LDAH: variants seen among roughly 807,000 people sequenced by gnomAD.
The protein encoded by LDAH is lipid droplet associated hydrolase.
LDAH carries 26 observed loss-of-function variants against 29.6 expected under a neutral mutation model. That is an observed-to-expected ratio of 0.88 (90% CI 0.64 to 1.22). LDAH has a LOEUF of 1.22. Among genes scored for constraint, LDAH ranks in the 50% most tolerant of loss-of-function variants. The pLI is 0.00. For missense variants in LDAH, 344 were observed against 387.3 expected, an observed-to-expected ratio of 0.89 and a Z score of 0.94; for synonymous variants, 117 against 133.0, an observed-to-expected ratio of 0.88 and a Z score of 0.83.
At chr2:20,730,935 G>C (rs1038932857) in intron 5 of LDAH, among the ~76,000 whole-genome samples, 5 of 152,004 alleles carry the variant, frequency 3.3e-5, no homozygotes, top group African/African-American at 1.2e-4. Flanking sequence ...ACAAAGTTTT[G>C]ATTACTGTAG....
intron 5 of LDAH, among the ~76,000 whole-genome samples, chr2:20,730,416 A>G (rs1666318713): frequency 6.6e-6 from 1 of 152,132 alleles, no homozygotes; most frequent in African/African-American, 2.4e-5. Flanking sequence ...GCACCATTTT[A>G]CATTATCAGC....
chr2:20,747,795 C>A (rs679397), intron 4 of LDAH, among the ~76,000 whole-genome samples: 1 of 152,192 alleles, frequency 6.6e-6, no homozygotes, highest in Non-Finnish European at 1.5e-5. Flanking sequence ...CTAGGTACTA[C>A]ACTTATGCAC....
chr2:20,770,644 C>G (rs1238051251), intron 4 of LDAH, among the ~76,000 whole-genome samples: 1 of 152,172 alleles, frequency 6.6e-6, no homozygotes, highest in Non-Finnish European at 1.5e-5. Flanking sequence ...CCTGAAATTG[C>G]TAGAGCATTC....
At chr2:20,780,580 G>A (rs181773152) in intron 3 of LDAH, among the ~76,000 whole-genome samples, 293 of 152,242 alleles carry the variant, frequency 1.9e-3, no homozygotes, top group Non-Finnish European at 1.4e-3. Context: ...TATAAATGAA[G>A]TAGGAAACTG....
intron 2 of LDAH, among the ~76,000 whole-genome samples, chr2:20,800,427 T>C (rs958940980): frequency 2.0e-5 from 3 of 152,026 alleles, no homozygotes; most frequent in Non-Finnish European, 4.4e-5. Context: ...AATTGAAAAA[T>C]GGGCAAGGGT....
At chr2:20,788,166 T>C (rs1250561609) in intron 3 of LDAH, among the ~76,000 whole-genome samples, 1 of 152,182 alleles carries the variant, frequency 6.6e-6, no homozygotes, top group Non-Finnish European at 1.5e-5. Context: ...AGGTAATCCA[T>C]TTTGAAAATA....
chr2:20,790,374 T>C lies in LDAH; in HGVS notation c.179A>G (p.Tyr60Cys), dbSNP rs528111112. ...GTATAAAGCCTTTGCAAATGGCACA[T>C]AAAAGGCAGAAAAACCTGGGTTACC... ...IPGNPGFSAF[Y>C]VPFAKALYSL... The change falls in exon 3 of 7, where the codon TAT becomes TGT. Residue 60 changes from tyrosine (Y) to cysteine (C), a missense_variant. Tyr to Cys is a radical substitution (Grantham distance 194, BLOSUM62 -2). Coordinates refer to ENST00000237822, the MANE Select transcript of LDAH (RefSeq NM_021925.4). 57 of 1,613,394 alleles carry C rather than the reference T, an allele frequency of 3.5e-5. No individual in the cohort carries two copies. The highest frequency in any genetic ancestry group is 3.3e-4 in the Middle Eastern group (2 of 6,056).
intron 4 of LDAH, among the ~76,000 whole-genome samples, chr2:20,759,001 T>C (rs956778701): frequency 6.6e-6 from 1 of 152,188 alleles, no homozygotes; most frequent in African/African-American, 2.4e-5. Flanking sequence ...AATATAATAT[T>C]ACTGAAGCTC....
chr2:20,786,970 A>G (rs753289948), intron 3 of LDAH, among the ~76,000 whole-genome samples: 4 of 152,206 alleles, frequency 2.6e-5, no homozygotes, highest in Non-Finnish European at 4.4e-5. Context: ...CATAGAGGAC[A>G]TTTCTCAAAT....
intron 1 of LDAH, among the ~76,000 whole-genome samples, chr2:20,819,276 A>AG (rs1673078253): frequency 6.6e-6 from 1 of 152,190 alleles, no homozygotes; most frequent in Non-Finnish European, 1.5e-5. Flanking sequence ...AATGCCAAGA[A>AG]TTTCACAAGT....
chr2:20,774,727 G>A, intron 4 of LDAH, 83 bp downstream of exon 4: 1 of 1,377,616 alleles, frequency 7.3e-7, no homozygotes, highest in South Asian at 1.3e-5. Flanking sequence ...CTGAACAAGA[G>A]ACAAAAGAAC....
intron 3 of LDAH, among the ~76,000 whole-genome samples, chr2:20,777,145 TTTACA>T (rs1300033550): frequency 2.0e-5 from 3 of 152,190 alleles, no homozygotes; most frequent in Non-Finnish European, 2.9e-5. Flanking sequence ...ACCAAGAACA[TTTACA>T]TGGTTAGAGC....
At chr2:20,705,781 T>C (rs1664260342) in intron 5 of LDAH, among the ~76,000 whole-genome samples, 1 of 152,196 alleles carries the variant, frequency 6.6e-6, no homozygotes, top group Admixed American at 6.5e-5. Context: ...AAGAACTTAG[T>C]GAAAAATAAT....
intron 3 of LDAH, chr2:20,789,206 C>T (rs1443584548): frequency 6.4e-7 from 1 of 1,550,498 alleles, no homozygotes. Context: ...ACCCTATGCC[C>T]AAATGCTATT....
At chr2:20,754,086 G>A (rs1307086190) in intron 4 of LDAH, among the ~76,000 whole-genome samples, 1 of 152,112 alleles carries the variant, frequency 6.6e-6, no homozygotes, top group African/African-American at 2.4e-5. Context: ...GATCAGGCAA[G>A]GATAAATAAT....
At chr2:20,813,481 A>G (rs893249041) in intron 1 of LDAH, among the ~76,000 whole-genome samples, 2 of 152,196 alleles carry the variant, frequency 1.3e-5, no homozygotes, top group African/African-American at 4.8e-5. Context: ...TTATATGACC[A>G]TCTCCCTGGT....
At chr2:20,808,790 A>T (rs1266918548) in intron 1 of LDAH, among the ~76,000 whole-genome samples, 1 of 152,226 alleles carries the variant, frequency 6.6e-6, no homozygotes, top group Non-Finnish European at 1.5e-5. Flanking sequence ...AGTGGACAAG[A>T]ACAGGGAATC....
Position 20,685,125 on chromosome 2 carries a change from T to G in LDAH, c.*1778A>C. 1.6e-6 allele frequency: 1 copy of G among 632,874 alleles called. No homozygotes were observed. Among genetic ancestry groups the G allele is most frequent in the Non-Finnish European group, 2.5e-6 (1 of 405,362 alleles). The allele number at this position is 632,874 out of a possible 1,614,324, so 39.2% of individuals were successfully genotyped here. A position where few individuals can be genotyped will look rare whatever the true frequency, so the allele number is the denominator to read the frequency against. On this transcript the variant is annotated 3_prime_UTR_variant, in exon 7 of 7. Transcript: ENST00000237822. ...ATGATAAATAGGAATTAAGAATGAG[T>G]ATCTTTCTTAGGCTCTAAAAACCAG...
intron 2 of LDAH, 66 bp from the exon 3 acceptor site, chr2:20,790,464 C>T: frequency 1.4e-6 from 2 of 1,388,518 alleles, no homozygotes; most frequent in Non-Finnish European, 2.0e-6. Context: ...GACACGCAGG[C>T]TAGAAAAGAT....
Sources: allele counts gnomAD v4.1 joint callset (sites outside exome capture counted in the v4.1 genomes callset), GRCh38; gene constraint gnomAD v4.1.1; transcripts MANE v1.5; gene names NCBI Gene and HGNC (gene_info 2026-07-23, HGNC 2026-07-21).